The following PINK1 variants were observed in gnomAD, a reference collection of about 807,000 sequenced individuals.
PINK1 encodes the protein PTEN induced kinase 1.
In PINK1, 58 loss-of-function variants were observed where a neutral mutation model predicts 56.0. The observed-to-expected ratio is 1.04, with a 90% CI of 0.84 to 1.29. The LOEUF is 1.29. PINK1 is among the 50% of genes most tolerant of loss of function. PINK1 has a pLI of 0.00. For synonymous variants in PINK1, 354 were observed against 339.3 expected, an observed-to-expected ratio of 1.04 and a Z score of -0.48; for missense variants, 745 against 777.9, an observed-to-expected ratio of 0.96 and a Z score of 0.50.
In PINK1 at chr1:20,651,319, A is replaced by T. The variant is rs2053271689; in HGVS notation, c.*628A>T. 1 of 162,406 alleles carries T rather than the reference A, an allele frequency of 6.2e-6. No individual in the cohort carries two copies. The highest frequency in any genetic ancestry group is 5.7e-5 in the Admixed American group (1 of 17,672). 10.1% of individuals were successfully genotyped at this position (162,406 alleles called of 1,614,324 possible). A position where few individuals can be genotyped will look rare whatever the true frequency, so the allele number is the denominator to read the frequency against. Reference sequence around the variant, plus strand: ...ATTAAATGCAAATTTACAACTGCAGATGACGTATGTGCCTTGAACTGAATA... The same window carrying T: ...ATTAAATGCAAATTTACAACTGCAGTTGACGTATGTGCCTTGAACTGAATA... On this transcript the variant is annotated 3_prime_UTR_variant, in exon 8 of 8. Transcript: ENST00000321556.
At chr1:20,634,324 C>T (rs2053032631) in intron 1 of PINK1, among the ~76,000 whole-genome samples, 1 of 152,160 alleles carries the variant, frequency 6.6e-6, no homozygotes. Flanking sequence ...TGCTCGAAGT[C>T]ACACAGCTAA....
At position 20,636,102 on chromosome 1, in the gene PINK1, G is replaced by A. The variant is rs542584715; in HGVS notation, c.388-1740G>A. On this transcript the variant is annotated intron_variant, in intron 1 of 7. Coordinates refer to ENST00000321556, the MANE Select transcript of PINK1 (RefSeq NM_032409.3). ...GGATTGCTTGAGCCCAGGAGTTTGA[G>A]GCTGCAGTGAGCTGTAGTTGCAACA... 4.7e-3 allele frequency among the ~76,000 whole-genome samples: 720 copies of A among 152,048 alleles called. 4 individuals carry two copies. The highest frequency in any genetic ancestry group is 0.016 in the African/African-American group (676 of 41,492).
Position 20,648,496 on chromosome 1 carries a change from C to T in PINK1, c.1124-9C>T. ...AGGAGAAATGGTCACTTTGCTTGCT[C>T]CTTCCCAGACGGCTGCCCCTGGCTG... On this transcript the variant is annotated splice_polypyrimidine_tract_variant and intron_variant, in intron 5 of 7. Coordinates refer to ENST00000321556, the MANE Select transcript of PINK1 (RefSeq NM_032409.3). 1 of 1,614,096 alleles carries T rather than the reference C, an allele frequency of 6.2e-7. No homozygotes were observed. Among genetic ancestry groups the T allele is most frequent in the Non-Finnish European group, 8.5e-7 (1 of 1,179,988 alleles).
In PINK1 at chr1:20,636,384, G is replaced by T. The variant is rs1003930936; in HGVS notation, c.388-1458G>T. 4.0e-5 allele frequency among the ~76,000 whole-genome samples: 6 copies of T among 150,254 alleles called. 1 individual carries two copies. Among genetic ancestry groups the T allele is most frequent in the Non-Finnish European group, 7.4e-5 (5 of 67,776 alleles). On this transcript the variant is annotated intron_variant, in intron 1 of 7. Coordinates refer to ENST00000321556, the MANE Select transcript of PINK1 (RefSeq NM_032409.3). ...TTTTGATACGGAGTCTCACACCGTC[G>T]CCCAGGCTGTGCAATGGCACGATCT...
Position 20,650,622 on chromosome 1 carries a change from G to A in PINK1, c.1677G>A (p.Leu559=). 1 of 1,614,216 alleles carries A rather than the reference G, an allele frequency of 6.2e-7. No homozygotes were observed. Among genetic ancestry groups the A allele is most frequent in the Non-Finnish European group, 8.5e-7 (1 of 1,180,046 alleles). ...CVETKMKMLF[L]ANLECETLCQ... is the part of the protein sequence containing the mutation. ...AAACAAAAATGAAGATGCTCTTTCT[G>A]GCTAACCTGGAGTGTGAAACGCTCT... is the stretch of plus-strand genomic sequence containing the variant. Residue 559 remains leucine (L), a synonymous_variant, in exon 8 of 8, where the codon CTG becomes CTA. Transcript: ENST00000321556.
intron 1 of PINK1, among the ~76,000 whole-genome samples, chr1:20,634,366 G>T (rs1460678366): frequency 5.3e-5 from 8 of 152,222 alleles, no homozygotes; most frequent in Admixed American, 5.2e-4. Flanking sequence ...ACTGAGCCAG[G>T]CTGCCTCCGC....
rs938520678 is a variant in PINK1 at position 20,641,892 on chromosome 1, C to T, written c.776+1900C>T. Among the ~76,000 whole-genome samples the T allele has an allele frequency of 6.6e-6, 1 of 152,206 alleles. No individual in the cohort carries two copies. Among genetic ancestry groups the T allele is most frequent in the Non-Finnish European group, 1.5e-5 (1 of 68,042 alleles). On this transcript the variant is annotated intron_variant, in intron 3 of 7. Coordinates refer to ENST00000321556, the MANE Select transcript of PINK1 (RefSeq NM_032409.3). The surrounding 1 kb of genome is among the most constrained non-coding windows in gnomAD (Gnocchi z 4.0). Reference sequence around the variant, plus strand: ...CCCACATTTCAGGTCTCAGTTCAGACACCCGCAACCCCACCATGTATCTCC... The same window carrying T: ...CCCACATTTCAGGTCTCAGTTCAGATACCCGCAACCCCACCATGTATCTCC...
intron 7 of PINK1, 163 bp downstream of exon 7, chr1:20,649,394 G>A (rs2053235691): frequency 5.8e-6 from 4 of 694,514 alleles, no homozygotes; most frequent in Non-Finnish European, 9.7e-6. Flanking sequence ...AATGTAGGTA[G>A]GAGTAGGAGC....
chr1:20,649,276 T>G, intron 7 of PINK1, 45 bp downstream of exon 7: 1 of 1,592,068 alleles, frequency 6.3e-7, no homozygotes, highest in Non-Finnish European at 8.6e-7. Context: ...GGTAGAAACC[T>G]CTGTTCTCGT....
Position 20,650,758 on chromosome 1 carries a change from A to G in PINK1, c.*67A>G. On this transcript the variant is annotated 3_prime_UTR_variant, in exon 8 of 8. Coordinates refer to ENST00000321556, the MANE Select transcript of PINK1 (RefSeq NM_032409.3). The stretch of plus-strand genomic sequence containing the variant: ...ATCCTCTGTGTCGTGATGGTCTGTG[A>G]ATGGTGAGGGTGGGAGTCAGGAGAC... 6.3e-7 allele frequency: 1 copy of G among 1,575,832 alleles called. No homozygotes were observed. The highest frequency in any genetic ancestry group is 8.6e-7 in the Non-Finnish European group (1 of 1,164,806).
chr1:20,648,884 C>T, intron 6 of PINK1, 111 bp from the exon 7 acceptor site: 1 of 1,358,384 alleles, frequency 7.4e-7, no homozygotes, highest in African/African-American at 1.4e-5. Flanking sequence ...CACTCAAGCT[C>T]TGGGTTCCTT....
chr1:20,644,032 G>GTCTC (rs36040366), intron 3 of PINK1, among the ~76,000 whole-genome samples: 11 of 151,852 alleles, frequency 7.2e-5, no homozygotes, highest in Non-Finnish European at 1.5e-4. Flanking sequence ...TGTGAATGTG[G>GTCTC]TCTCTCTCTC....
chr1:20,648,015 A>G (rs2053208653), intron 5 of PINK1, among the ~76,000 whole-genome samples: 1 of 151,438 alleles, frequency 6.6e-6, no homozygotes, highest in Non-Finnish European at 1.5e-5. Context: ...GGGTTTCACC[A>G]TGTTGGCCAG....
chr1:20,646,502 G>A (rs1046367623), intron 5 of PINK1, among the ~76,000 whole-genome samples: 2 of 151,942 alleles, frequency 1.3e-5, no homozygotes, highest in Non-Finnish European at 2.9e-5. Flanking sequence ...AAATTAGCTG[G>A]GCATGGTGGC....
intron 6 of PINK1, 56 bp from the exon 7 acceptor site, chr1:20,648,939 C>T: frequency 6.4e-7 from 1 of 1,551,184 alleles, no homozygotes; most frequent in Non-Finnish European, 8.9e-7. Flanking sequence ...ATGTGCAGGA[C>T]ATGAAAAGGT....
chr1:20,638,319 C>A, intron 2 of PINK1, 190 bp downstream of exon 2: 1 of 688,730 alleles, frequency 1.5e-6, no homozygotes, highest in Non-Finnish European at 2.4e-6. Flanking sequence ...TTGTATTCTG[C>A]CCACAGATCA....
intron 3 of PINK1, among the ~76,000 whole-genome samples, chr1:20,643,746 C>T (rs1036851023): frequency 6.6e-5 from 10 of 152,170 alleles, no homozygotes; most frequent in Non-Finnish European, 1.3e-4. Flanking sequence ...AGGTGCCTTC[C>T]ACACTTTGAC....
intron 2 of PINK1, 61 bp from the exon 3 acceptor site, chr1:20,639,831 A>G: frequency 6.7e-7 from 1 of 1,491,248 alleles, no homozygotes; most frequent in South Asian, 1.2e-5. Context: ...GGCAGGGCTT[A>G]CAAGGAACTT....
rs1192758278 is a variant in PINK1, at chr1:20,650,586, G to C, written c.1641G>C (p.Lys547Asn). Residue 547 changes from lysine (K) to asparagine (N), a missense_variant, in exon 8 of 8, where the codon AAG becomes AAC. Transcript: ENST00000321556. ...ATLLANRLTE[K>N]CCVETKMKML... The stretch of plus-strand genomic sequence containing the variant: ...TGTTGGCCAACAGGCTCACAGAGAA[G>C]TGTTGTGTGGAAACAAAAATGAAGA... The C allele has an allele frequency of 6.2e-6, 10 of 1,614,112 alleles. No individual in the cohort carries two copies. In the Admixed American group the frequency reaches 1.5e-4, roughly 24 times the overall value.
Sources: allele counts gnomAD v4.1 joint callset (sites outside exome capture counted in the v4.1 genomes callset), GRCh38; gene constraint gnomAD v4.1.1; non-coding constraint Gnocchi (gnomAD v3.1); transcripts MANE v1.5; gene names NCBI Gene and HGNC (gene_info 2026-07-23, HGNC 2026-07-21).